CCDC141: variants seen among roughly 807,000 people sequenced by gnomAD.
The protein encoded by CCDC141 is coiled-coil domain containing 141, also known as coiled-coil domain-containing protein 141.
Under a neutral mutation model 181.0 loss-of-function variants are expected in CCDC141, and 168 were observed. The ratio of observed to expected loss-of-function variants is 0.93; its 90% CI spans 0.82 to 1.05. The LOEUF (loss-of-function observed/expected upper bound fraction) is 1.05. CCDC141 is among the 50% of genes least tolerant of loss of function. The pLI is 0.00. For synonymous variants in CCDC141, 666 were observed against 642.3 expected (o/e 1.04, Z -0.56); for missense variants, 1,902 against 1,788.5 (o/e 1.06, Z -1.14).
At chr2:178,847,925 A>G (rs1348893052) in intron 21 of CCDC141, among the ~76,000 whole-genome samples, 2 of 152,216 alleles carry the variant, frequency 1.3e-5, no homozygotes, top group Non-Finnish European at 1.5e-5. Flanking sequence ...AGCTACCAGG[A>G]AGTCCTCACT....
intron 2 of CCDC141, among the ~76,000 whole-genome samples, chr2:178,992,404 G>T (rs1575318294): frequency 8.1e-6 from 1 of 123,754 alleles, no homozygotes; most frequent in African/African-American, 3.1e-5. Flanking sequence ...TGCCATTGCT[G>T]TACTGGAATC....
At chr2:179,015,094 AT>A (rs1353903547) in intron 2 of CCDC141, among the ~76,000 whole-genome samples, 1 of 45,840 alleles carries the variant, frequency 2.2e-5, no homozygotes, top group Non-Finnish European at 6.0e-5. Context: ...ATATATATAT[AT>A]ATATATATAA....
intron 2 of CCDC141, among the ~76,000 whole-genome samples, chr2:178,989,965 C>T (rs1277567353): frequency 6.6e-6 from 1 of 150,900 alleles, no homozygotes; most frequent in East Asian, 1.9e-4. Flanking sequence ...CATGGAGAAA[C>T]CCCATCTCTA....
intron 9 of CCDC141, among the ~76,000 whole-genome samples, chr2:178,887,781 CAT>C (rs1266449622): frequency 6.6e-6 from 1 of 152,206 alleles, no homozygotes; most frequent in Non-Finnish European, 1.5e-5. Context: ...TAAGTTCAGG[CAT>C]ATAAGTCCAC....
intron 4 of CCDC141, among the ~76,000 whole-genome samples, chr2:178,973,688 C>T (rs530836128): frequency 2.0e-5 from 3 of 152,204 alleles, no homozygotes; most frequent in Non-Finnish European, 4.4e-5. Context: ...TACAAGCCCC[C>T]AGTCCCTCTG....
At chr2:178,822,312 C>T in the CCDC141 span, among the ~76,000 whole-genome samples, 5 of 150,804 alleles carry the variant, frequency 3.3e-5, no homozygotes, top group East Asian at 3.9e-4. Flanking sequence ...ATGTAAATGA[C>T]GAGTTAATGG....
At chr2:179,027,245 G>A (rs563732940) in intron 2 of CCDC141, among the ~76,000 whole-genome samples, 28 of 152,240 alleles carry the variant, frequency 1.8e-4, no homozygotes, top group East Asian at 9.7e-4. Context: ...ATTCCCACAC[G>A]TCATGGGAGG....
intron 17 of CCDC141, among the ~76,000 whole-genome samples, chr2:178,864,317 A>C (rs904023712): frequency 1.3e-5 from 2 of 152,152 alleles, no homozygotes; most frequent in African/African-American, 2.4e-5. Flanking sequence ...AGCTTCCATA[A>C]CCATGAATCC....
chr2:178,863,018 A>C (rs1316161443), intron 17 of CCDC141, among the ~76,000 whole-genome samples: 1 of 152,260 alleles, frequency 6.6e-6, no homozygotes, highest in Non-Finnish European at 1.5e-5. Flanking sequence ...AGAGGAAAGC[A>C]TAAAAAAAAG....
chr2:178,996,536 A>G (rs1692295922), intron 2 of CCDC141, among the ~76,000 whole-genome samples: 5 of 152,218 alleles, frequency 3.3e-5, no homozygotes, highest in Admixed American at 2.6e-4. Flanking sequence ...GGCTATTTCT[A>G]TATCTAATAG....
intron 2 of CCDC141, among the ~76,000 whole-genome samples, chr2:179,036,022 C>T (rs1222101444): frequency 7.2e-5 from 11 of 152,168 alleles, no homozygotes; most frequent in Non-Finnish European, 1.3e-4. Context: ...GAGGACACCT[C>T]TCTTTTTTGC....
intron 6 of CCDC141, among the ~76,000 whole-genome samples, chr2:178,923,109 C>CT (rs1364126682): frequency 0.026 from 3,226 of 125,154 alleles, 86 homozygotes; most frequent in East Asian, 0.15. Context: ...TTTTTTTTTT[C>CT]TTTTTTTTTT....
chr2:178,972,303 A>G lies in CCDC141; in HGVS notation c.526+2754T>C, dbSNP rs983663170. Among the ~76,000 whole-genome samples, 3 of 152,192 alleles carry G rather than the reference A, an allele frequency of 2.0e-5. No homozygotes were observed. In the South Asian group the frequency reaches 6.2e-4, roughly 32 times the overall value. On this transcript the variant is annotated intron_variant, in intron 4 of 23. Coordinates refer to ENST00000443758, the MANE Select transcript of CCDC141 (RefSeq NM_173648.4). Reference sequence around the variant, plus strand: ...CACTTCGTTTGTTGCTCACTTTTGCATCATTCTGCCATGTCGTACATTGGA... The same window carrying G: ...CACTTCGTTTGTTGCTCACTTTTGCGTCATTCTGCCATGTCGTACATTGGA...
intron 2 of CCDC141, among the ~76,000 whole-genome samples, chr2:178,999,577 A>C (rs1028808614): frequency 6.6e-6 from 1 of 152,152 alleles, no homozygotes; most frequent in Non-Finnish European, 1.5e-5. Context: ...ATAAAAAATA[A>C]AATTCCAAGC....
chr2:178,971,090 C>G (rs1201604697), intron 4 of CCDC141, among the ~76,000 whole-genome samples: 2 of 152,090 alleles, frequency 1.3e-5, no homozygotes, highest in Admixed American at 1.3e-4. Flanking sequence ...GGCCTGAAGT[C>G]CCAGCTACTC....
chr2:178,959,820 C>T (rs1335151669), intron 5 of CCDC141, among the ~76,000 whole-genome samples: 1 of 152,202 alleles, frequency 6.6e-6, no homozygotes, highest in Non-Finnish European at 1.5e-5. Context: ...CTGCTCTATG[C>T]CACTTCCTCG....
intron 16 of CCDC141, among the ~76,000 whole-genome samples, chr2:178,867,678 A>G (rs1558940156): frequency 6.6e-6 from 1 of 152,216 alleles, no homozygotes; most frequent in Non-Finnish European, 1.5e-5. Flanking sequence ...TATTTAAATT[A>G]ATGCAAGTTA....
intron 8 of CCDC141, among the ~76,000 whole-genome samples, chr2:178,890,947 G>A (rs1359266531): frequency 1.3e-5 from 2 of 152,134 alleles, no homozygotes; most frequent in African/African-American, 2.4e-5. Context: ...ACTTTGTGAA[G>A]TGTCAGAAAA....
intron 2 of CCDC141, among the ~76,000 whole-genome samples, chr2:179,015,123 A>T (rs1287714747): frequency 3.1e-4 from 31 of 100,786 alleles, no homozygotes; most frequent in Non-Finnish European, 5.6e-4. Context: ...ATAATCATAT[A>T]TATATATCAT....
Sources: gnomAD v4.1 joint callset for allele counts (sites outside exome capture counted in the v4.1 genomes callset) on GRCh38, gnomAD v4.1.1 for gene constraint, MANE v1.5 for transcripts, NCBI Gene and HGNC (gene_info 2026-07-23, HGNC 2026-07-21) for gene names.